Variants in WWC2 observed in about 807,000 individuals in gnomAD.
WWC2 encodes the protein protein WWC2.
Under a neutral mutation model 138.5 loss-of-function variants are expected in WWC2, and 101 were observed. That is an observed-to-expected ratio of 0.73 (90% CI 0.62 to 0.86). WWC2 has a LOEUF of 0.86. WWC2 is among the 40% of genes least tolerant of loss of function. The probability of loss-of-function intolerance (pLI) is 0.00; values close to 1 mark genes in which losing one functional copy is unlikely to be tolerated. For missense variants in WWC2, 1,420 were observed against 1,419.4 expected (o/e 1.00, Z -0.01); for synonymous variants, 558 against 538.4 (o/e 1.04, Z -0.50).
rs373959652 is a variant in WWC2, at chr4:183,248,791, T to C, written c.810T>C (p.Pro270=). ...CTGAGCCAGATTTGAGATGTAGTCCTGTGAACTCTCATTTATGTCTCTCCA... is the reference window on the plus strand; with the variant it reads ...CTGAGCCAGATTTGAGATGTAGTCCCGTGAACTCTCATTTATGTCTCTCCA... ...GRSEPDLRCS[P]VNSHLCLSRQ... Residue 270 remains proline, a synonymous_variant, in exon 7 of 23, where the codon CCT becomes CCC. Coordinates refer to ENST00000403733, the MANE Select transcript of WWC2 (RefSeq NM_024949.6). 5 of 1,604,396 alleles carry C rather than the reference T, an allele frequency of 3.1e-6. No individual in the cohort carries two copies. Among genetic ancestry groups the C allele is most frequent in the Non-Finnish European group, 4.3e-6 (5 of 1,175,010 alleles).
At position 183,208,715 on chromosome 4, in the gene WWC2, A is replaced by C. The variant is rs560427549; in HGVS notation, c.446-234A>C. Among the ~76,000 whole-genome samples the C allele has an allele frequency of 1.8e-4, 28 of 152,312 alleles. No homozygotes were observed. In the South Asian group the frequency reaches 4.3e-3, roughly 24 times the overall value. ...AGGACATAGTGTGTATAAAATCCAG[A>C]AGAAAATTAAGCACCAAGGTCTTAA... On this transcript the variant is annotated intron_variant, in intron 3 of 22. Coordinates refer to ENST00000403733, the MANE Select transcript of WWC2 (RefSeq NM_024949.6).
At chr4:183,113,093 C>A (rs887951370) in intron 1 of WWC2, among the ~76,000 whole-genome samples, 22 of 151,924 alleles carry the variant, frequency 1.4e-4, no homozygotes, top group Non-Finnish European at 2.8e-4. Flanking sequence ...GCCAACATGG[C>A]AAAACCCCAT....
chr4:183,269,427 T>A lies in WWC2; in HGVS notation c.2400+264T>A, dbSNP rs914693250. 1.0e-5 allele frequency: 6 copies of A among 592,552 alleles called. No homozygotes were observed. In the African/African-American group the frequency reaches 1.1e-4, roughly 11 times the overall value. 36.7% of individuals were successfully genotyped at this position (592,552 alleles called of 1,614,324 possible). A position where few individuals can be genotyped will look rare whatever the true frequency, so the allele number is the denominator to read the frequency against. On this transcript the variant is annotated intron_variant, in intron 15 of 22. Coordinates refer to ENST00000403733, the MANE Select transcript of WWC2 (RefSeq NM_024949.6). ...CTACCTTTTCACCACAGAAGAACTT[T>A]ACCTTTGTGACAGCTATCACTCATG...
Position 183,265,107 on chromosome 4 carries a change from A to T in WWC2, c.2039A>T (p.Gln680Leu). The T allele has an allele frequency of 6.2e-7, 1 of 1,605,878 alleles. No homozygotes were observed. Among genetic ancestry groups the T allele is most frequent in the Non-Finnish European group, 8.5e-7 (1 of 1,176,020 alleles). The change falls in exon 12 of 23, where the codon CAA (glutamine) becomes CTA (leucine). Residue 680 changes from glutamine (Q) to leucine (L), a missense_variant and splice_region_variant. Transcript: ENST00000403733. ...DSGVYEAFVK[Q>L]PSEMEDVTYS... ...GGGGTCTATGAAGCTTTCGTGAAAC[A>T]GTAAGGATTCAGCAGGGGCGCTTTT...
chr4:183,248,393 T>C (rs879363421), intron 6 of WWC2, among the ~76,000 whole-genome samples: 2 of 152,204 alleles, frequency 1.3e-5, no homozygotes, highest in Admixed American at 6.5e-5. Context: ...TGGGTTCCTA[T>C]TGAAATAGAG....
intron 4 of WWC2, among the ~76,000 whole-genome samples, chr4:183,227,669 T>TG (rs1236698190): frequency 6.6e-6 from 1 of 152,008 alleles, no homozygotes; most frequent in Non-Finnish European, 1.5e-5. Flanking sequence ...TCAAAGCTGG[T>TG]GGGGAATTAT....
chr4:183,300,498 T>C (rs182558622), intron 21 of WWC2, among the ~76,000 whole-genome samples: 98 of 145,952 alleles, frequency 6.7e-4, no homozygotes, highest in African/African-American at 2.4e-3. Flanking sequence ...GCCAAAGATA[T>C]TAATACACTG....
Position 183,260,943 on chromosome 4 carries a change from G to A in WWC2, c.1320G>A (p.Gly440=), listed in dbSNP as rs143288740. 4.1e-5 allele frequency: 66 copies of A among 1,613,704 alleles called. No individual in the cohort carries two copies. Among genetic ancestry groups the A allele is most frequent in the Non-Finnish European group, 5.0e-5 (59 of 1,179,866 alleles). The change falls in exon 11 of 23, where the codon GGG becomes GGA. Residue 440 remains glycine, a synonymous_variant. Coordinates refer to ENST00000403733, the MANE Select transcript of WWC2 (RefSeq NM_024949.6). ...LSASTLSMSS[G]SSLGSLASSR... ...CCAGCACCCTGTCCATGTCATCTGG[G>A]AGCAGCCTGGGTTCCCTGGCATCGA...
At chr4:183,193,457 A>G (rs1448688200) in intron 1 of WWC2, 142 bp from the exon 2 acceptor site, 7 of 678,698 alleles carry the variant, frequency 1.0e-5, no homozygotes, top group Non-Finnish European at 1.8e-5. Context: ...TTTTGGATAT[A>G]TACATCTGTA....
chr4:183,132,514 C>T (rs1370790827), intron 1 of WWC2, among the ~76,000 whole-genome samples: 6 of 150,142 alleles, frequency 4.0e-5, no homozygotes, highest in Non-Finnish European at 8.9e-5. Flanking sequence ...AGTGCTGTGG[C>T]GCGATCTCAG....
chr4:183,310,707 G>C (rs186166874), intron 21 of WWC2, among the ~76,000 whole-genome samples: 4 of 130,580 alleles, frequency 3.1e-5, no homozygotes, highest in African/African-American at 1.2e-4. Context: ...GTCTCTCTAT[G>C]TTGTCCAGGC....
In WWC2 at chr4:183,304,905, C is replaced by T. The variant is rs74944375; in HGVS notation, c.3385-7436C>T. 8.5e-3 allele frequency among the ~76,000 whole-genome samples: 1,289 copies of T among 152,250 alleles called. 59 individuals carry two copies. Among genetic ancestry groups the T allele is most frequent in the Admixed American group, 0.067 (1,024 of 15,290 alleles). ...AAAAACAGAGTTTAAAGAGGCAAAA[C>T]AAGCATCAGAACCAGACTCACACAT... is the stretch of plus-strand genomic sequence containing the variant. On this transcript the variant is annotated intron_variant, in intron 21 of 22. Transcript: ENST00000403733.
chr4:183,167,166 G>C lies in WWC2; in HGVS notation c.132-26433G>C, dbSNP rs141383586. 3.7e-3 allele frequency among the ~76,000 whole-genome samples: 564 copies of C among 152,232 alleles called. 1 individual carries two copies. Among genetic ancestry groups the C allele is most frequent in the South Asian group, 6.6e-3 (32 of 4,822 alleles). On this transcript the variant is annotated intron_variant, in intron 1 of 22. Coordinates refer to ENST00000403733, the MANE Select transcript of WWC2 (RefSeq NM_024949.6). ...TGTGGTTCTTCTCTGTGTGAACTCTGGTGTTGATTTTTAAAAGGCATGCAC... is the reference window on the plus strand; with the variant it reads ...TGTGGTTCTTCTCTGTGTGAACTCTCGTGTTGATTTTTAAAAGGCATGCAC...
intron 10 of WWC2, 123 bp downstream of exon 10, chr4:183,259,851 CT>C: frequency 1.4e-6 from 1 of 733,092 alleles, no homozygotes; most frequent in South Asian, 1.8e-5. Context: ...AGCACAGTTA[CT>C]GTTTGAGTGA....
At chr4:183,206,179 T>C (rs6831552) in intron 2 of WWC2, among the ~76,000 whole-genome samples, 29,826 of 152,096 alleles carry the variant, frequency 0.2, 3,076 homozygotes, top group South Asian at 0.27. Flanking sequence ...ATCACAATCC[T>C]GTACTACCTG....
intron 4 of WWC2, among the ~76,000 whole-genome samples, chr4:183,209,540 T>C (rs1246099418): frequency 6.6e-6 from 1 of 152,144 alleles, no homozygotes. Flanking sequence ...CCTGGCCTAT[T>C]GGGCAGTTTT....
chr4:183,304,972 CTG>C (rs1459740374), intron 21 of WWC2, among the ~76,000 whole-genome samples: 2 of 152,110 alleles, frequency 1.3e-5, no homozygotes, highest in Non-Finnish European at 2.9e-5. Flanking sequence ...TTTAAACTAA[CTG>C]TGGTTAGTAT....
At chr4:183,185,217 G>A (rs936616372) in intron 1 of WWC2, among the ~76,000 whole-genome samples, 3 of 152,276 alleles carry the variant, frequency 2.0e-5, no homozygotes, top group Admixed American at 6.5e-5. Context: ...TCAGATGCAC[G>A]CATAGGTTTC....
chr4:183,155,694 A>G (rs545644724), intron 1 of WWC2, among the ~76,000 whole-genome samples: 1 of 152,312 alleles, frequency 6.6e-6, no homozygotes, highest in South Asian at 2.1e-4. Flanking sequence ...CATGTACTTT[A>G]AAGTCATAAG....
Sources: gnomAD v4.1 joint callset for allele counts (sites outside exome capture counted in the v4.1 genomes callset) on GRCh38, gnomAD v4.1.1 for gene constraint, MANE v1.5 for transcripts, NCBI Gene and HGNC (gene_info 2026-07-23, HGNC 2026-07-21) for gene names.